Variants in SLC16A4 observed in about 807,000 individuals in gnomAD.
The protein encoded by SLC16A4 is solute carrier family 16 member 4.
In SLC16A4, 39 loss-of-function variants were observed where a neutral mutation model predicts 47.9. The ratio of observed to expected loss-of-function variants is 0.81; its 90% CI spans 0.63 to 1.06. The LOEUF is 1.06. Among genes scored for constraint, SLC16A4 ranks in the 50% least tolerant of loss-of-function variants. The probability of loss-of-function intolerance (pLI) is 0.00; values close to 1 mark genes in which losing one functional copy is unlikely to be tolerated. For missense variants in SLC16A4, 524 were observed against 573.8 expected (o/e 0.91, Z 0.89); for synonymous variants, 189 against 199.9 (o/e 0.95, Z 0.46).
chr1:110,373,468 C>A (rs1406023872), intron 8 of SLC16A4, among the ~76,000 whole-genome samples: 2 of 152,012 alleles, frequency 1.3e-5, no homozygotes, highest in Non-Finnish European at 2.9e-5. Context: ...TTTTACTAGT[C>A]CCTATATAAA....
intron 8 of SLC16A4, among the ~76,000 whole-genome samples, chr1:110,369,473 G>A (rs1014446251): frequency 2.6e-5 from 4 of 151,988 alleles, no homozygotes; most frequent in African/African-American, 9.7e-5. Flanking sequence ...GGTGGCACAC[G>A]CCTGTAGTCC....
rs542273389 is a variant in SLC16A4, at chr1:110,380,058, C to CAAAAAAAAAAAAA, written c.527-715_527-703dup. Among the ~76,000 whole-genome samples the CAAAAAAAAAAAAA allele has an allele frequency of 9.1e-4, 88 of 96,212 alleles. 2 individuals are homozygous for CAAAAAAAAAAAAA. Among genetic ancestry groups the CAAAAAAAAAAAAA allele is most frequent in the Middle Eastern group, 5.0e-3 (1 of 200 alleles). 63.1% of individuals were successfully genotyped at this position (96,212 alleles called of 152,430 possible). Reference sequence around the variant, plus strand: ...AATGACAAAGCGAGAGAGCCTGTCTCAAAAAAAAAAAAAAAGCAGCGGGAG... The same window carrying CAAAAAAAAAAAAA: ...AATGACAAAGCGAGAGAGCCTGTCTCAAAAAAAAAAAAAAAAAAAAAAAAAAAAGCAGCGGGAG... On this transcript the variant is annotated intron_variant, in intron 5 of 8. Transcript: ENST00000369779.
intron 8 of SLC16A4, 105 bp downstream of exon 8, chr1:110,375,353 G>T (rs1321193567): frequency 4.8e-5 from 34 of 706,992 alleles, no homozygotes; most frequent in Non-Finnish European, 7.4e-5. Flanking sequence ...GAAATAATCT[G>T]TTTCTTTTAA....
At chr1:110,371,959 T>C (rs1484525280) in intron 8 of SLC16A4, 1 of 152,186 alleles carries the variant, frequency 6.6e-6, no homozygotes, top group Non-Finnish European at 1.5e-5. Context: ...TTTTGTTGCT[T>C]TCTTAAATTC....
chr1:110,375,470 G>T lies in SLC16A4; in HGVS notation c.1324C>A (p.Pro442Thr). 2 of 1,607,776 alleles carry T rather than the reference G, an allele frequency of 1.2e-6. No individual in the cohort carries two copies. The highest frequency in any genetic ancestry group is 1.7e-6 in the Non-Finnish European group (2 of 1,174,250). The part of the protein sequence containing the change: ...FFAGMAVLSG[P>T]PIAGWLYDYT... Reference sequence around the variant, plus strand: ...GTGAAGGTGTTACCTGCTATAGGTGGTCCAGAAAGGACAGCCATCCCAGCA... The same window carrying T: ...GTGAAGGTGTTACCTGCTATAGGTGTTCCAGAAAGGACAGCCATCCCAGCA... The change falls in exon 8 of 9, where the codon CCA (proline) becomes ACA (threonine). Residue 442 changes from proline to threonine, a missense_variant. Pro to Thr is a conservative substitution (Grantham distance 38). Transcript: ENST00000369779.
At chr1:110,364,082 T>G (rs1030980132) in intron 8 of SLC16A4, among the ~76,000 whole-genome samples, 189 bp from the exon 9 acceptor site, 4 of 152,160 alleles carry the variant, frequency 2.6e-5, no homozygotes, top group Non-Finnish European at 5.9e-5. Context: ...ACTTACACCA[T>G]CTCCAATCTT....
intron 4 of SLC16A4, 96 bp downstream of exon 4, chr1:110,381,556 A>T: frequency 1.6e-6 from 2 of 1,254,610 alleles, no homozygotes; most frequent in South Asian, 2.9e-5. Flanking sequence ...ACTGGACTCA[A>T]GCGATCCACC....
At chr1:110,371,025 C>T (rs1212068370) in intron 8 of SLC16A4, 1 of 152,184 alleles carries the variant, frequency 6.6e-6, no homozygotes, top group Non-Finnish European at 1.5e-5. Flanking sequence ...TAATGTTTCA[C>T]GACCTGGTGA....
Position 110,382,970 on chromosome 1 carries a change from A to C in SLC16A4, c.88-4T>G. 6.2e-7 allele frequency: 1 copy of C among 1,600,056 alleles called. No individual in the cohort carries two copies. The highest frequency in any genetic ancestry group is 1.7e-5 in the Admixed American group (1 of 58,558). On this transcript the variant is annotated splice_polypyrimidine_tract_variant and splice_region_variant and intron_variant, in intron 2 of 8. Coordinates refer to ENST00000369779, the MANE Select transcript of SLC16A4 (RefSeq NM_004696.3). ...TCCCCATCACAAACACATTCACCTA[A>C]ATCAAAGCAGACCAGAGTCCAACTC...
intron 5 of SLC16A4, among the ~76,000 whole-genome samples, chr1:110,380,737 C>T (rs1662332296): frequency 6.6e-6 from 1 of 152,172 alleles, no homozygotes; most frequent in Non-Finnish European, 1.5e-5. Context: ...AGACATTGAG[C>T]CCTATGGTGA....
At chr1:110,375,938 G>A (rs1661973075) in intron 7 of SLC16A4, among the ~76,000 whole-genome samples, 1 of 152,006 alleles carries the variant, frequency 6.6e-6, no homozygotes, top group Admixed American at 6.5e-5. Flanking sequence ...GGAGTGCAGT[G>A]GTGTGATCTT....
intron 2 of SLC16A4, among the ~76,000 whole-genome samples, chr1:110,386,993 A>C (rs1181793688): frequency 1.3e-5 from 2 of 152,186 alleles, no homozygotes; most frequent in Non-Finnish European, 2.9e-5. Flanking sequence ...TCTGAAATGC[A>C]AATCTATCAC....
chr1:110,375,158 G>A, intron 8 of SLC16A4: 1 of 228,050 alleles, frequency 4.4e-6, no homozygotes, highest in Non-Finnish European at 8.4e-6. Context: ...AAAGCATCAT[G>A]GGTCTTTGAG....
chr1:110,377,824 A>AT, intron 6 of SLC16A4, among the ~76,000 whole-genome samples: 1 of 151,936 alleles, frequency 6.6e-6, no homozygotes, highest in Non-Finnish European at 1.5e-5. Flanking sequence ...TTATTTATTT[A>AT]TTTTTATTTT....
chr1:110,366,226 C>T (rs919376255), intron 8 of SLC16A4, among the ~76,000 whole-genome samples: 5 of 151,912 alleles, frequency 3.3e-5, no homozygotes, highest in African/African-American at 1.2e-4. Flanking sequence ...TGCGCAATCT[C>T]GGCTCACTGC....
Position 110,376,674 on chromosome 1 carries a change from A to G in SLC16A4, c.1242+276T>C, listed in dbSNP as rs116835088. 9.1e-4 allele frequency among the ~76,000 whole-genome samples: 138 copies of G among 152,252 alleles called. 1 individual carries two copies. Among genetic ancestry groups the G allele is most frequent in the Middle Eastern group, 3.4e-3 (1 of 294 alleles). ...GAGCTGAAGGAGAGACGTGAACACA[A>G]TCCTAATCTAGGAGACTGATAAGTA... is the stretch of plus-strand genomic sequence containing the variant. On this transcript the variant is annotated intron_variant, in intron 7 of 8. Transcript: ENST00000369779.
intron 1 of SLC16A4, 32 bp from the exon 2 acceptor site, chr1:110,389,387 G>A (rs1039416726): frequency 2.4e-6 from 3 of 1,228,252 alleles, no homozygotes; most frequent in Non-Finnish European, 3.6e-6. Flanking sequence ...TGATTCAGTG[G>A]ACCAGAAACT....
intron 2 of SLC16A4, 89 bp from the exon 3 acceptor site, chr1:110,383,055 G>T: frequency 8.2e-7 from 1 of 1,216,630 alleles, no homozygotes; most frequent in African/African-American, 1.5e-5. Flanking sequence ...GATTCCCTCA[G>T]CTTACTACTA....
intron 2 of SLC16A4, among the ~76,000 whole-genome samples, chr1:110,383,240 A>G (rs1156634017): frequency 6.6e-6 from 1 of 152,138 alleles, no homozygotes; most frequent in African/African-American, 2.4e-5. Context: ...TACCAAATAA[A>G]CCACCCAGTG....
Sources: allele counts gnomAD v4.1 joint callset (sites outside exome capture counted in the v4.1 genomes callset), GRCh38; gene constraint gnomAD v4.1.1; transcripts MANE v1.5; gene names NCBI Gene and HGNC (gene_info 2026-07-23, HGNC 2026-07-21).